Variants in CATSPERT observed in about 807,000 individuals in gnomAD.
CATSPERT encodes catsper channel auxiliary subunit tau.
At chr2:201,614,116 T>C in the CATSPERT span, among the ~76,000 whole-genome samples, 1 of 152,132 alleles carries the variant, frequency 6.6e-6, no homozygotes, top group South Asian at 2.1e-4. Flanking sequence ...GAGAATGGAA[T>C]CAAGTTGGAA....
the CATSPERT span, chr2:201,603,335 T>G: frequency 6.8e-7 from 1 of 1,464,468 alleles, no homozygotes; most frequent in Non-Finnish European, 9.4e-7. Flanking sequence ...AACTGTTCTT[T>G]CACTTTACAC....
At chr2:201,604,523 CA>C in the CATSPERT span, 2 of 709,838 alleles carry the variant, frequency 2.8e-6, no homozygotes, top group Non-Finnish European at 4.4e-6. Flanking sequence ...ATAAATACGC[CA>C]TCAGAGAGAA....
chr2:201,597,542 TTCTCTGCTTGGGTTTC>T, the CATSPERT span, among the ~76,000 whole-genome samples: 3 of 152,082 alleles, frequency 2.0e-5, no homozygotes, highest in South Asian at 2.1e-4. Flanking sequence ...AAGACCGCCA[TTCTCTGCTTGGGTTTC>T]TCTCTGCTTG....
chr2:201,576,678 G>A, the CATSPERT span, among the ~76,000 whole-genome samples: 2 of 152,316 alleles, frequency 1.3e-5, no homozygotes, highest in Admixed American at 6.5e-5. Flanking sequence ...CACGGCACGC[G>A]GAGTGAACGG....
the CATSPERT span, chr2:201,535,366 G>C: frequency 1.0e-6 from 1 of 978,940 alleles, no homozygotes; most frequent in East Asian, 1.1e-4. Flanking sequence ...ATTCCAATAA[G>C]ATATAAAGAT....
At chr2:201,572,984 A>C in the CATSPERT span, among the ~76,000 whole-genome samples, 1 of 152,338 alleles carries the variant, frequency 6.6e-6, no homozygotes, top group Admixed American at 6.5e-5. Flanking sequence ...AAAAACTGAA[A>C]GTGAAAAATG....
chr2:201,604,487 T>C, the CATSPERT span: 1 of 495,756 alleles, frequency 2.0e-6, no homozygotes, highest in Non-Finnish European at 3.5e-6. Context: ...TACAATGTTT[T>C]TCTGACTCAT....
chr2:201,619,031 G>T, the CATSPERT span: 2 of 1,614,030 alleles, frequency 1.2e-6, no homozygotes, highest in Admixed American at 1.7e-5. Context: ...CTGCTGTAGG[G>T]ATTCCTCTGC....
chr2:201,566,213 T>G, the CATSPERT span, among the ~76,000 whole-genome samples: 1 of 152,170 alleles, frequency 6.6e-6, no homozygotes, highest in African/African-American at 2.4e-5. Flanking sequence ...TTTCTTTTTT[T>G]TTTTATTATT....
chr2:201,511,219 G>A, the CATSPERT span, among the ~76,000 whole-genome samples: 2 of 152,264 alleles, frequency 1.3e-5, no homozygotes, highest in Non-Finnish European at 1.5e-5. Flanking sequence ...AGCATAATCT[G>A]GCAGTATCAA....
chr2:201,547,562 A>G, the CATSPERT span: 2 of 1,558,284 alleles, frequency 1.3e-6, no homozygotes, highest in Admixed American at 1.9e-5. Flanking sequence ...AGTTAGCTTT[A>G]TCTATCCATG....
chr2:201,528,120 TCAAAAGATATATA>T, the CATSPERT span, among the ~76,000 whole-genome samples: 15 of 148,082 alleles, frequency 1.0e-4, no homozygotes, highest in East Asian at 2.7e-3. Flanking sequence ...CAGACACCTA[TCAAAAGATATATA>T]CACCACCAAT....
chr2:201,554,948 G>A, the CATSPERT span: 1 of 152,206 alleles, frequency 6.6e-6, no homozygotes, highest in Non-Finnish European at 1.5e-5. Flanking sequence ...CTCAGCTCTT[G>A]ACATAATAGT....
At chr2:201,571,036 A>C in the CATSPERT span, among the ~76,000 whole-genome samples, 2 of 152,122 alleles carry the variant, frequency 1.3e-5, no homozygotes, top group African/African-American at 4.8e-5. Context: ...ATTATTTTTT[A>C]TGTTATTTTG....
the CATSPERT span, chr2:201,603,225 C>CT: frequency 6.2e-7 from 1 of 1,611,114 alleles, no homozygotes; most frequent in Non-Finnish European, 8.5e-7. Flanking sequence ...AAAGGATACT[C>CT]TTAGGCATAA....
the CATSPERT span, among the ~76,000 whole-genome samples, chr2:201,602,644 T>G: frequency 4.6e-5 from 7 of 152,146 alleles, no homozygotes; most frequent in African/African-American, 1.7e-4. Flanking sequence ...TTGAGGTGAT[T>G]ACAGATGGCT....
the CATSPERT span, chr2:201,535,410 A>G: frequency 1.9e-5 from 19 of 976,002 alleles, no homozygotes; most frequent in South Asian, 9.0e-4. Context: ...GAGAAAGTCT[A>G]TTATTTGGTG....
the CATSPERT span, among the ~76,000 whole-genome samples, chr2:201,527,051 C>T: frequency 0.029 from 4,434 of 152,214 alleles, 118 homozygotes; most frequent in African/African-American, 0.072. Context: ...TGATAAACAA[C>T]GTCGGCAGTT....
chr2:201,603,493 T>G, the CATSPERT span, among the ~76,000 whole-genome samples: 4 of 152,248 alleles, frequency 2.6e-5, no homozygotes, highest in East Asian at 7.7e-4. Context: ...AAAGTAAACC[T>G]AAAATGAACA....
Sources: gnomAD v4.1 joint callset for allele counts (sites outside exome capture counted in the v4.1 genomes callset) on GRCh38, gnomAD v4.1.1 for gene constraint, MANE v1.5 for transcripts, NCBI Gene and HGNC (gene_info 2026-07-23, HGNC 2026-07-21) for gene names.